Variants in PC observed in about 807,000 individuals in gnomAD.
PC encodes pyruvate carboxylase, mitochondrial.
A neutral mutation model predicts 107.8 loss-of-function variants in PC; 46 were observed. The observed-to-expected ratio is 0.43, with a 90% CI of 0.34 to 0.55. The LOEUF (loss-of-function observed/expected upper bound fraction) is 0.55, where lower values mean the gene tolerates loss of function less well. Among genes scored for constraint, PC ranks in the 20% least tolerant of loss-of-function variants. PC has a pLI of 0.04. For missense variants in PC, 1,241 were observed against 1,643.1 expected (o/e 0.76, Z 4.23); for synonymous variants, 662 against 684.7 (o/e 0.97, Z 0.52).
chr11:66,868,517 G>C (rs954113969), intron 10 of PC, among the ~76,000 whole-genome samples: 1 of 152,200 alleles, frequency 6.6e-6, no homozygotes, highest in Non-Finnish European at 1.5e-5. Flanking sequence ...CGCCAGCTGT[G>C]TGACCCCGAG....
intron 3 of PC, among the ~76,000 whole-genome samples, chr11:66,882,989 C>A (rs1947237280): frequency 6.6e-6 from 1 of 152,180 alleles, no homozygotes; most frequent in African/African-American, 2.4e-5. Context: ...AGGAGAGAGA[C>A]AATACCAAAG....
At chr11:66,854,856 T>C (rs1293063866) in intron 12 of PC, among the ~76,000 whole-genome samples, 1 of 152,198 alleles carries the variant, frequency 6.6e-6, no homozygotes, top group Non-Finnish European at 1.5e-5. Context: ...CCCCTGAGCC[T>C]CGCCCCTGCC....
intron 12 of PC, chr11:66,859,024 G>T: frequency 1.3e-6 from 2 of 1,510,528 alleles, no homozygotes; most frequent in South Asian, 2.7e-5. Flanking sequence ...GGTCCCGGGC[G>T]GCCAGCCGAC....
At chr11:66,891,910 T>C (rs1003403815) in intron 3 of PC, among the ~76,000 whole-genome samples, 6 of 152,218 alleles carry the variant, frequency 3.9e-5, no homozygotes, top group African/African-American at 1.4e-4. Flanking sequence ...TATTTTCTTA[T>C]GATTGTGGAT....
chr11:66,899,440 G>A (rs139051770), intron 3 of PC, among the ~76,000 whole-genome samples: 2 of 152,220 alleles, frequency 1.3e-5, no homozygotes, highest in African/African-American at 2.4e-5. Flanking sequence ...AGGCTGGAGG[G>A]CAGTGGCACG....
chr11:66,900,787 C>A (rs1947925944), intron 3 of PC, among the ~76,000 whole-genome samples: 1 of 152,030 alleles, frequency 6.6e-6, no homozygotes, highest in Admixed American at 6.5e-5. Context: ...TCTTCATTTT[C>A]AATTTGCCCA....
At chr11:66,898,841 C>A (rs181374747) in intron 3 of PC, among the ~76,000 whole-genome samples, 4 of 152,268 alleles carry the variant, frequency 2.6e-5, no homozygotes, top group Admixed American at 2.6e-4. Flanking sequence ...TACTCTCAGT[C>A]TCTATGGATT....
intron 3 of PC, among the ~76,000 whole-genome samples, chr11:66,886,896 G>A (rs75562483): frequency 0.05 from 7,609 of 152,258 alleles, 314 homozygotes; most frequent in East Asian, 0.11. Flanking sequence ...CTGCTAGGAT[G>A]TGTCAGTGCC....
intron 3 of PC, among the ~76,000 whole-genome samples, chr11:66,936,267 T>TG (rs113533937): frequency 3.0e-3 from 424 of 143,374 alleles, no homozygotes; most frequent in African/African-American, 8.6e-3. Context: ...AAAAAAAAGG[T>TG]GGGGGGGGAG....
Position 66,848,780 on chromosome 11 carries a change from G to T in PC, c.*119C>A. ...GCGGTGTCTCTCCTGTCCAGCTGTG[G>T]ACAGGACCTCCACGGCCCGGCCTTC... On this transcript the variant is annotated 3_prime_UTR_variant, in exon 23 of 23. Coordinates refer to ENST00000393960, the MANE Select transcript of PC (RefSeq NM_001040716.2). The T allele has an allele frequency of 7.8e-7, 1 of 1,287,716 alleles. No individual in the cohort carries two copies. Among genetic ancestry groups the T allele is most frequent in the Non-Finnish European group, 1.1e-6 (1 of 899,178 alleles). The allele number at this position is 1,287,716 out of a possible 1,614,324, so 79.8% of individuals were successfully genotyped here.
At chr11:66,864,152 C>A (rs887843112) in intron 11 of PC, among the ~76,000 whole-genome samples, 196 bp from the exon 12 acceptor site, 1 of 152,240 alleles carries the variant, frequency 6.6e-6, no homozygotes, top group Admixed American at 6.5e-5. Context: ...CCCTTCTCTA[C>A]GTGCCACGCA....
chr11:66,902,391 T>C (rs906095835), intron 3 of PC, among the ~76,000 whole-genome samples: 1 of 152,148 alleles, frequency 6.6e-6, no homozygotes, highest in African/African-American at 2.4e-5. Flanking sequence ...TGCCAGCCAC[T>C]GCACTGAGTG....
rs949716888 is a variant in PC, at chr11:66,958,329, C to A, written c.-235G>T. On this transcript the variant is annotated 5_prime_UTR_variant, in exon 1 of 23. Coordinates refer to ENST00000393960, the MANE Select transcript of PC (RefSeq NM_001040716.2). ...AGCGCGGCGGACACTCACCTCCTCG[C>A]CGTCGCCAGTCCTCGCCGCCGCCTC... The A allele has an allele frequency of 6.6e-6, 1 of 152,544 alleles. No individual in the cohort carries two copies. The highest frequency in any genetic ancestry group is 2.1e-4 in the South Asian group (1 of 4,840). The allele number at this position is 152,544 out of a possible 1,614,324, so 9.4% of individuals were successfully genotyped here.
At chr11:66,860,565 A>G (rs770514786) in intron 12 of PC, 3 of 700,942 alleles carry the variant, frequency 4.3e-6, no homozygotes, top group South Asian at 1.5e-5. Flanking sequence ...GGGTGGGGCT[A>G]CCAGGGCCGG....
intron 3 of PC, among the ~76,000 whole-genome samples, chr11:66,901,126 G>A (rs1277727285): frequency 6.6e-6 from 1 of 152,158 alleles, no homozygotes; most frequent in East Asian, 1.9e-4. Context: ...CCTGCTGAGT[G>A]GATGCCTCCT....
At chr11:66,953,784 C>T (rs1007214371) in intron 2 of PC, among the ~76,000 whole-genome samples, 5 of 152,096 alleles carry the variant, frequency 3.3e-5, no homozygotes, top group Non-Finnish European at 7.4e-5. Context: ...TGGGATGGCA[C>T]GTGAGAGGGA....
intron 3 of PC, among the ~76,000 whole-genome samples, chr11:66,915,638 G>A (rs1009992496): frequency 2.0e-5 from 3 of 152,338 alleles, no homozygotes; most frequent in African/African-American, 7.2e-5. Context: ...CTCCATCCAT[G>A]GAGGGGTGTA....
chr11:66,918,043 C>G (rs953470100), intron 3 of PC, among the ~76,000 whole-genome samples: 1 of 152,016 alleles, frequency 6.6e-6, no homozygotes, highest in African/African-American at 2.4e-5. Context: ...TCCTTTCCCC[C>G]ACAGCAGCCT....
chr11:66,851,714 C>G (rs764976474), intron 16 of PC, 76 bp downstream of exon 16: 1 of 1,464,506 alleles, frequency 6.8e-7, no homozygotes, highest in Non-Finnish European at 9.6e-7. Flanking sequence ...CCGTGGAGAA[C>G]AGAGGCCATC....
Sources: gnomAD v4.1 joint callset for allele counts (sites outside exome capture counted in the v4.1 genomes callset) on GRCh38, gnomAD v4.1.1 for gene constraint, MANE v1.5 for transcripts, NCBI Gene and HGNC (gene_info 2026-07-23, HGNC 2026-07-21) for gene names.